The following MYH9 variants were observed in gnomAD, a reference collection of about 807,000 sequenced individuals.
The protein encoded by MYH9 is myosin-9.
In MYH9, 29 loss-of-function variants were observed where a neutral mutation model predicts 241.9. The observed-to-expected ratio is 0.12, with a 90% CI of 0.09 to 0.16. MYH9 has a LOEUF of 0.16. MYH9 is among the 10% of genes least tolerant of loss of function. The pLI is 1.00. For missense variants in MYH9, 1,803 were observed against 2,595.5 expected, an observed-to-expected ratio of 0.69 and a Z score of 6.63; for synonymous variants, 1,047 against 1,062.6, an observed-to-expected ratio of 0.99 and a Z score of 0.29.
intron 1 of MYH9, among the ~76,000 whole-genome samples, chr22:36,354,051 C>A (rs539012196): frequency 2.0e-5 from 3 of 152,152 alleles, no homozygotes; most frequent in South Asian, 4.1e-4. Context: ...CAGGCGTGTG[C>A]CACCACGCCT....
At chr22:36,302,412 C>A (rs2016893436) in intron 20 of MYH9, 156 bp downstream of exon 20, 6 of 642,070 alleles carry the variant, frequency 9.3e-6, no homozygotes, top group Non-Finnish European at 1.7e-5. Flanking sequence ...CTTTGGGAGG[C>A]TGAGGTAGGA....
At chr22:36,362,540 G>A (rs2017950360) in intron 1 of MYH9, among the ~76,000 whole-genome samples, 1 of 152,150 alleles carries the variant, frequency 6.6e-6, no homozygotes, top group Admixed American at 6.5e-5. Context: ...CCGGGCTGGA[G>A]TGCAGTGGCA....
At position 36,286,655 on chromosome 22, in the gene MYH9, C is replaced by T; in HGVS notation, c.5061+63G>A. ...CTCCAGCCCTGTCCTCAGCTGAAAGCCCCACGCTGCCACCTGCTGGCCGCA... is the reference window on the plus strand; with the variant it reads ...CTCCAGCCCTGTCCTCAGCTGAAAGTCCCACGCTGCCACCTGCTGGCCGCA... On this transcript the variant is annotated intron_variant, in intron 35 of 40. Transcript: ENST00000216181. 2.5e-6 allele frequency: 4 copies of T among 1,603,690 alleles called. No homozygotes were observed. The Admixed American group carries it at 5.0e-5, about 20-fold the overall frequency.
chr22:36,309,009 T>A, intron 15 of MYH9: 1 of 377,398 alleles, frequency 2.6e-6, no homozygotes, highest in Admixed American at 6.4e-5. Context: ...GCTGGGAGCC[T>A]GGGCTTCGAG....
rs374062450 is a variant in MYH9, at chr22:36,286,708, C to A, written c.5061+10G>T. ...GCAGCGGTGCCGCTCTCCATTGCAGCCCCACCCACCTCCTGCAACTGGATC... is the reference window on the plus strand; with the variant it reads ...GCAGCGGTGCCGCTCTCCATTGCAGACCCACCCACCTCCTGCAACTGGATC... On this transcript the variant is annotated intron_variant, in intron 35 of 40. Coordinates refer to ENST00000216181, the MANE Select transcript of MYH9 (RefSeq NM_002473.6). The A allele has an allele frequency of 1.9e-6, 3 of 1,611,504 alleles. No homozygotes were observed. Among genetic ancestry groups the A allele is most frequent in the Non-Finnish European group, 2.5e-6 (3 of 1,180,028 alleles).
rs778170347 is a variant in MYH9 at position 36,295,726 on chromosome 22, G to A, written c.3273-9C>T. On this transcript the variant is annotated splice_polypyrimidine_tract_variant and intron_variant, in intron 25 of 40. Coordinates refer to ENST00000216181, the MANE Select transcript of MYH9 (RefSeq NM_002473.6). The surrounding 1 kb of genome is among the most constrained non-coding windows in gnomAD (Gnocchi z 4.1). ...CAGCTTCCTCTTCCACTCTGCCAAA[G>A]CGACCAGCAACATCAGTATAAGGAG... The A allele has an allele frequency of 1.7e-5, 27 of 1,610,594 alleles. No individual in the cohort carries two copies. The South Asian group carries it at 2.8e-4, about 16-fold the overall frequency.
intron 1 of MYH9, among the ~76,000 whole-genome samples, chr22:36,376,652 C>T (rs963902928): frequency 6.6e-6 from 1 of 152,094 alleles, no homozygotes; most frequent in Non-Finnish European, 1.5e-5. Flanking sequence ...AAAATGCCCC[C>T]CTACCACCAC....
chr22:36,303,209 C>T (rs964749206), intron 19 of MYH9, among the ~76,000 whole-genome samples: 9 of 152,082 alleles, frequency 5.9e-5, no homozygotes, highest in African/African-American at 2.2e-4. Flanking sequence ...GGCGCTCCTG[C>T]TAGGACCCCA....
chr22:36,318,326 CTAAGA>C lies in MYH9; in HGVS notation c.1109-6_1109-2del, dbSNP rs1268509764. The C allele has an allele frequency of 6.8e-6, 11 of 1,611,380 alleles. No homozygotes were observed. Among genetic ancestry groups the C allele is most frequent in the Non-Finnish European group, 9.3e-6 (11 of 1,177,638 alleles). On this transcript the variant is annotated splice_acceptor_variant and splice_polypyrimidine_tract_variant and intron_variant, in intron 10 of 40. Transcript: ENST00000216181. LOFTEE classifies it high-confidence loss of function. ...AAGAGATGGGACACCTTTTGGGCAG[CTAAGA>C]TTTTTCAGAGAATAAGAGAGGGACA...
At chr22:36,373,082 C>T (rs1249034280) in intron 1 of MYH9, among the ~76,000 whole-genome samples, 1 of 152,186 alleles carries the variant, frequency 6.6e-6, no homozygotes, top group Non-Finnish European at 1.5e-5. Context: ...CAAAAGTAGC[C>T]ACTAGGATTC....
rs1603483643 is a variant in MYH9, at chr22:36,330,051, G to A, written c.491-2563C>T. ...TATGTACATAGCCATGCACACACACGGATGTATGCACAGGCACACACACTT... is the reference window on the plus strand; with the variant it reads ...TATGTACATAGCCATGCACACACACAGATGTATGCACAGGCACACACACTT... On this transcript the variant is annotated intron_variant, in intron 3 of 40. Coordinates refer to ENST00000216181, the MANE Select transcript of MYH9 (RefSeq NM_002473.6). The surrounding 1 kb of genome is among the most constrained non-coding windows in gnomAD (Gnocchi z 4.5). Among the ~76,000 whole-genome samples the A allele has an allele frequency of 6.6e-6, 1 of 152,234 alleles. No individual in the cohort carries two copies. The highest frequency in any genetic ancestry group is 2.1e-4 in the South Asian group (1 of 4,820).
Position 36,295,680 on chromosome 22 carries a change from T to A in MYH9, c.3310A>T (p.Lys1104Ter). The change falls in exon 26 of 41, where the codon AAG (lysine) becomes TAG (stop). Residue 1104 changes from lysine to a stop codon, truncating the protein, a stop_gained. Transcript: ENST00000216181. LOFTEE classifies it high-confidence loss of function. This position sits in a 1 kb window ranked among gnomAD's most constrained non-coding sequence, Gnocchi z 4.1. ...TGAGATTCCAGCTCCCGGATCTTCT[T>A]GAGGGCCATGTTCTTCTGGGCAGCT... ...EEAAQKNMALKKIRELESQIS... is the reference protein window; with the variant it reads ...EEAAQKNMAL 1 of 1,613,830 alleles carries A rather than the reference T, an allele frequency of 6.2e-7. No individual in the cohort carries two copies. Among genetic ancestry groups the A allele is most frequent in the Non-Finnish European group, 8.5e-7 (1 of 1,179,966 alleles).
rs1443479671 is a variant in MYH9 at position 36,320,120 on chromosome 22, AGCAG to A, written c.1012+96_1012+99del. The A allele has an allele frequency of 6.4e-7, 1 of 1,554,122 alleles. No individual in the cohort carries two copies. Among genetic ancestry groups the A allele is most frequent in the African/African-American group, 1.4e-5 (1 of 73,224 alleles). On this transcript the variant is annotated intron_variant, in intron 9 of 40. Coordinates refer to ENST00000216181, the MANE Select transcript of MYH9 (RefSeq NM_002473.6). This position sits in a 1 kb window ranked among gnomAD's most constrained non-coding sequence, Gnocchi z 4.8. The stretch of plus-strand genomic sequence containing the variant: ...AGGCCTTCCCCTTCCCCTGGCCTCT[AGCAG>A]GCTCCCCAGGCCCATCGGCTACCCT...
At position 36,384,920 on chromosome 22, in the gene MYH9, C is replaced by A. The variant is rs368963333; in HGVS notation, c.-20+2887G>T. Among the ~76,000 whole-genome samples the A allele has an allele frequency of 1.2e-3, 175 of 151,994 alleles. 7 individuals are homozygous for A. The South Asian group carries it at 0.035, about 30-fold the overall frequency. ...AGCCACAGCAGCAGCACTGCCAGGG[C>A]TCCATTCTTTTGTCAGCAGAGGACT... On this transcript the variant is annotated intron_variant, in intron 1 of 40. Transcript: ENST00000216181.
At chr22:36,339,776 C>T (rs557423784) in intron 3 of MYH9, among the ~76,000 whole-genome samples, 12 of 152,290 alleles carry the variant, frequency 7.9e-5, no homozygotes, top group South Asian at 4.1e-4. Context: ...TAGGAGAACA[C>T]GGCCCTGCCT....
chr22:36,374,768 A>G (rs762000719), intron 1 of MYH9, among the ~76,000 whole-genome samples: 8 of 152,184 alleles, frequency 5.3e-5, no homozygotes, highest in Non-Finnish European at 8.8e-5. Flanking sequence ...TGGCCTATGC[A>G]GAGGCTGGGT....
In MYH9 at chr22:36,281,491, G is replaced by C. The variant is rs1265826040; in HGVS notation, c.*1177C>G. The C allele has an allele frequency of 4.4e-6, 1 of 226,470 alleles. No homozygotes were observed. The highest frequency in any genetic ancestry group is 8.7e-6 in the Non-Finnish European group (1 of 114,498). 14.0% of individuals were successfully genotyped at this position (226,470 alleles called of 1,614,324 possible). A position where few individuals can be genotyped will look rare whatever the true frequency, so the allele number is the denominator to read the frequency against. ...CAGCTTTTATATCACTTCATGATTT[G>C]AGAGTTTGTTTCCTTTAAAAAAAAA... On this transcript the variant is annotated 3_prime_UTR_variant, in exon 41 of 41. Transcript: ENST00000216181.
chr22:36,375,665 A>G (rs1057422573), intron 1 of MYH9, among the ~76,000 whole-genome samples: 1 of 152,160 alleles, frequency 6.6e-6, no homozygotes, highest in African/African-American at 2.4e-5. Context: ...CAAAATGAGG[A>G]TAAGTTCCTA....
In MYH9 at chr22:36,300,284, C is replaced by T. The variant is rs200750183; in HGVS notation, c.2839-20G>A. ...AAGCTCCTGCCGGGGGCCAGAGACACGGTAAGGACAGCAGGCCCAGAGGCA... is the reference window on the plus strand; with the variant it reads ...AAGCTCCTGCCGGGGGCCAGAGACATGGTAAGGACAGCAGGCCCAGAGGCA... On this transcript the variant is annotated intron_variant, in intron 22 of 40. Coordinates refer to ENST00000216181, the MANE Select transcript of MYH9 (RefSeq NM_002473.6). This position sits in a 1 kb window ranked among gnomAD's most constrained non-coding sequence, Gnocchi z 5.0. 1.7e-5 allele frequency: 27 copies of T among 1,611,528 alleles called. No individual in the cohort carries two copies. Among genetic ancestry groups the T allele is most frequent in the South Asian group, 9.9e-5 (9 of 91,082 alleles).
Sources: allele counts gnomAD v4.1 joint callset (sites outside exome capture counted in the v4.1 genomes callset), GRCh38; gene constraint gnomAD v4.1.1; non-coding constraint Gnocchi (gnomAD v3.1); transcripts MANE v1.5; gene names NCBI Gene and HGNC (gene_info 2026-07-23, HGNC 2026-07-21).